The following IQCE variants were observed in gnomAD, a reference collection of about 807,000 sequenced individuals.
IQCE encodes IQ domain-containing protein E.
A neutral mutation model predicts 96.0 loss-of-function variants in IQCE; 115 were observed. The observed-to-expected ratio is 1.20, with a 90% CI of 1.03 to 1.40. The LOEUF (loss-of-function observed/expected upper bound fraction) is 1.40, where lower values mean the gene tolerates loss of function less well. Among genes scored for constraint, IQCE ranks in the 40% most tolerant of loss-of-function variants. The pLI is 0.00. For synonymous variants in IQCE, 412 were observed against 371.2 expected (o/e 1.11, Z -1.26); for missense variants, 1,041 against 909.1 (o/e 1.15, Z -1.87).
At chr7:2,580,027 C>T (rs1224027187) in intron 8 of IQCE, 3 of 152,178 alleles carry the variant, frequency 2.0e-5, no homozygotes, top group African/African-American at 7.2e-5. Flanking sequence ...AGCCACTGCA[C>T]CTGGCTGAGG....
At chr7:2,598,193 C>A (rs570373291) in intron 16 of IQCE, 256 of 346,078 alleles carry the variant, frequency 7.4e-4, no homozygotes, top group African/African-American at 5.1e-3. Flanking sequence ...GTCCTCTCTC[C>A]CTCCCAGGAG....
At chr7:2,586,172 C>T (rs2128454234) in intron 11 of IQCE, 36 bp from the exon 12 acceptor site, 1 of 1,588,592 alleles carries the variant, frequency 6.3e-7, no homozygotes, top group African/African-American at 1.3e-5. Context: ...ACCAGCTTAG[C>T]AATGCAAACC....
chr7:2,601,423 TTC>T lies in IQCE; in HGVS notation c.1609-16_1609-15del. ...TCGTGTTAATTCATGTATTTTTTCT[TTC>T]TTTTTTTTTTTCCAGAAAAAAAAGG... is the stretch of plus-strand genomic sequence containing the variant. On this transcript the variant is annotated splice_polypyrimidine_tract_variant and intron_variant, in intron 17 of 21. Coordinates refer to ENST00000402050, the MANE Select transcript of IQCE (RefSeq NM_152558.5). 6.7e-7 allele frequency: 1 copy of T among 1,494,194 alleles called. No homozygotes were observed. Among genetic ancestry groups the T allele is most frequent in the South Asian group, 1.2e-5 (1 of 83,820 alleles). 92.6% of individuals were successfully genotyped at this position (1,494,194 alleles called of 1,614,324 possible). A position where few individuals can be genotyped will look rare whatever the true frequency, so the allele number is the denominator to read the frequency against.
At chr7:2,573,610 G>C in intron 6 of IQCE, 122 bp downstream of exon 6, 1 of 579,354 alleles carries the variant, frequency 1.7e-6, no homozygotes, top group South Asian at 2.2e-5. Context: ...CGTTAGGGTC[G>C]AACCTGAGTT....
chr7:2,606,101 G>A (rs1583520517), intron 20 of IQCE, 104 bp downstream of exon 20: 1 of 1,358,172 alleles, frequency 7.4e-7, no homozygotes, highest in Non-Finnish European at 9.7e-7. Context: ...GGAAACTGGA[G>A]CAGCGCCTGC....
chr7:2,588,202 C>T (rs989147475), intron 13 of IQCE, among the ~76,000 whole-genome samples: 4 of 152,192 alleles, frequency 2.6e-5, no homozygotes, highest in African/African-American at 7.2e-5. Context: ...CCACTCAAGT[C>T]GTGTTGGAAT....
chr7:2,586,129 A>G, intron 11 of IQCE, 79 bp from the exon 12 acceptor site: 1 of 1,359,108 alleles, frequency 7.4e-7, no homozygotes, highest in Non-Finnish European at 1.0e-6. Context: ...GCAAGCTGTG[A>G]TTCACCTGTC....
chr7:2,604,447 C>G (rs1453209562), intron 18 of IQCE, among the ~76,000 whole-genome samples: 1 of 152,248 alleles, frequency 6.6e-6, no homozygotes, highest in Non-Finnish European at 1.5e-5. Context: ...ATAAATAATT[C>G]TCTTAAGATC....
chr7:2,590,941 A>C (rs905257679), intron 14 of IQCE, among the ~76,000 whole-genome samples: 1 of 151,800 alleles, frequency 6.6e-6, no homozygotes, highest in African/African-American at 2.4e-5. Context: ...ATGATCTATT[A>C]ATACGTAGGA....
At position 2,607,373 on chromosome 7, in the gene IQCE, G is replaced by A. The variant is rs17833498; in HGVS notation, c.1969+146G>A. ...TGGAGCTGCCTCTGAACTAAGCGTC[G>A]CCTTATGCCAGGAAGGCCCACAACA... On this transcript the variant is annotated intron_variant, in intron 21 of 21. Transcript: ENST00000402050. 199,106 of 1,396,890 alleles carry A rather than the reference G, an allele frequency of 0.14. 14,557 individuals are homozygous for A. The highest frequency in any genetic ancestry group is 0.17 in the Admixed American group (5,137 of 30,784). 86.5% of individuals were successfully genotyped at this position (1,396,890 alleles called of 1,614,324 possible).
rs746923221 is a variant in IQCE at position 2,572,338 on chromosome 7, G to A, written c.394+12G>A. The stretch of plus-strand genomic sequence containing the variant: ...CTCTGCCAGCAACGGTGAGCATGCC[G>A]ATGGTGGCGAGGCTGAGGCCAAGGA... On this transcript the variant is annotated intron_variant, in intron 5 of 21. Transcript: ENST00000402050. 2.2e-5 allele frequency: 35 copies of A among 1,612,640 alleles called. No homozygotes were observed. Among genetic ancestry groups the A allele is most frequent in the South Asian group, 3.3e-5 (3 of 90,992 alleles).
At chr7:2,584,949 C>G (rs1051864105) in intron 11 of IQCE, among the ~76,000 whole-genome samples, 1 of 152,296 alleles carries the variant, frequency 6.6e-6, no homozygotes, top group South Asian at 2.1e-4. Flanking sequence ...TCACGTCCGC[C>G]TTACAGAGTT....
At chr7:2,601,694 G>A (rs551821167) in intron 18 of IQCE, 1 of 487,542 alleles carries the variant, frequency 2.1e-6, no homozygotes, top group African/African-American at 2.0e-5. Context: ...GGATTACAGG[G>A]ATGCACCACT....
At chr7:2,582,502 G>T (rs551791547) in intron 8 of IQCE, 78 bp from the exon 9 acceptor site, 471 of 1,188,080 alleles carry the variant, frequency 4.0e-4, no homozygotes, top group Non-Finnish European at 1.3e-4. Context: ...GTGTGCCGGT[G>T]CTCTGGCAGG....
At chr7:2,597,702 C>G (rs1784151223) in intron 16 of IQCE, among the ~76,000 whole-genome samples, 1 of 152,246 alleles carries the variant, frequency 6.6e-6, no homozygotes, top group Non-Finnish European at 1.5e-5. Flanking sequence ...GGGTCTCACT[C>G]TGTTGCCCAG....
Position 2,613,748 on chromosome 7 carries a change from G to A in IQCE, c.*3586G>A, listed in dbSNP as rs868520760. ...GAGCCTTACAGCCAGGCTCCGTGCG[G>A]ACTGTGATGCCAGAGAGGCGTGCAG... is the stretch of plus-strand genomic sequence containing the variant. On this transcript the variant is annotated 3_prime_UTR_variant, in exon 22 of 22. Coordinates refer to ENST00000402050, the MANE Select transcript of IQCE (RefSeq NM_152558.5). 2.0e-5 allele frequency: 3 copies of A among 152,344 alleles called. No homozygotes were observed. Among genetic ancestry groups the A allele is most frequent in the African/African-American group, 7.2e-5 (3 of 41,472 alleles). 9.4% of individuals were successfully genotyped at this position (152,344 alleles called of 1,614,324 possible). A position where few individuals can be genotyped will look rare whatever the true frequency, so the allele number is the denominator to read the frequency against.
chr7:2,584,180 A>G (rs1782918285), intron 10 of IQCE, 56 bp from the exon 11 acceptor site: 4 of 1,476,150 alleles, frequency 2.7e-6, no homozygotes, highest in Non-Finnish European at 3.8e-6. Context: ...CTTTTCAGAT[A>G]AGGTCTTCTC....
intron 5 of IQCE, chr7:2,572,733 G>C (rs761117394): frequency 2.0e-5 from 9 of 457,346 alleles, no homozygotes; most frequent in Admixed American, 7.1e-5. Flanking sequence ...TTTTAGAGAC[G>C]GAATCTCGCT....
intron 13 of IQCE, 28 bp from the exon 14 acceptor site, chr7:2,589,879 A>G (rs1434426715): frequency 5.0e-6 from 8 of 1,603,850 alleles, no homozygotes; most frequent in African/African-American, 4.0e-5. Context: ...GAGAACTAGT[A>G]TCTAACACAT....
Sources: allele counts gnomAD v4.1 joint callset (sites outside exome capture counted in the v4.1 genomes callset), GRCh38; gene constraint gnomAD v4.1.1; transcripts MANE v1.5; gene names NCBI Gene and HGNC (gene_info 2026-07-23, HGNC 2026-07-21).